The following HMCN1 variants were observed in gnomAD, a reference collection of about 807,000 sequenced individuals.
HMCN1 encodes hemicentin-1.
Under a neutral mutation model 625.9 loss-of-function variants are expected in HMCN1, and 321 were observed. The observed-to-expected ratio is 0.51, with a 90% CI of 0.47 to 0.56. The LOEUF (loss-of-function observed/expected upper bound fraction) is 0.56, where lower values mean the gene tolerates loss of function less well. HMCN1 is among the 20% of genes least tolerant of loss of function. The pLI, the probability that HMCN1 is intolerant of heterozygous loss-of-function variation, is 0.00. For synonymous variants in HMCN1, 2,425 were observed against 2,417.6 expected (o/e 1.00, Z -0.09); for missense variants, 6,588 against 6,887.3 (o/e 0.96, Z 1.54).
Position 186,087,350 on chromosome 1 carries a change from A to G in HMCN1, c.9160+20A>G. The G allele has an allele frequency of 6.2e-7, 1 of 1,604,762 alleles. No homozygotes were observed. The highest frequency in any genetic ancestry group is 8.5e-7 in the Non-Finnish European group (1 of 1,171,878). ...TTTATGGTTCGTTTTTACTCTCTTCATAAAATTCTTTTATTTTAAAACTGG... is the reference window on the plus strand; with the variant it reads ...TTTATGGTTCGTTTTTACTCTCTTCGTAAAATTCTTTTATTTTAAAACTGG... On this transcript the variant is annotated intron_variant, in intron 59 of 106. Transcript: ENST00000271588.
chr1:186,159,447 C>T (rs1435742423), intron 97 of HMCN1, among the ~76,000 whole-genome samples: 1 of 151,932 alleles, frequency 6.6e-6, no homozygotes, highest in Non-Finnish European at 1.5e-5. Context: ...CCAGAACTTC[C>T]AACACTATGT....
At chr1:186,142,331 A>T (rs1650023781) in intron 89 of HMCN1, among the ~76,000 whole-genome samples, 1 of 152,144 alleles carries the variant, frequency 6.6e-6, no homozygotes, top group Non-Finnish European at 1.5e-5. Flanking sequence ...CCTGCAAAGG[A>T]TGGGACCTCA....
chr1:185,763,026 G>T (rs1655614194), intron 1 of HMCN1, among the ~76,000 whole-genome samples: 2 of 152,190 alleles, frequency 1.3e-5, no homozygotes, highest in Admixed American at 1.3e-4. Flanking sequence ...GGCGTGAGAA[G>T]AACGGAGATC....
chr1:185,983,174 AT>A (rs986699761), intron 18 of HMCN1, among the ~76,000 whole-genome samples: 22 of 151,910 alleles, frequency 1.4e-4, no homozygotes, highest in African/African-American at 4.8e-4. Flanking sequence ...TCGGTGTAAA[AT>A]TTTTTTTATG....
intron 4 of HMCN1, among the ~76,000 whole-genome samples, chr1:185,898,813 T>C (rs577680419): frequency 6.6e-6 from 1 of 151,846 alleles, no homozygotes; most frequent in Non-Finnish European, 1.5e-5. Flanking sequence ...AGTCTAAAAA[T>C]GTGATTGTGT....
chr1:186,003,691 T>C (rs777091401), intron 28 of HMCN1, 27 bp from the exon 29 acceptor site: 1 of 1,611,896 alleles, frequency 6.2e-7, no homozygotes, highest in Non-Finnish European at 8.5e-7. Context: ...AGTAACAGAG[T>C]TTCATAATAC....
intron 30 of HMCN1, among the ~76,000 whole-genome samples, chr1:186,014,350 T>C (rs975123000): frequency 6.6e-6 from 1 of 151,520 alleles, no homozygotes; most frequent in Non-Finnish European, 1.5e-5. Context: ...ATACTTTAAG[T>C]TCTAGGGTAC....
chr1:185,802,091 G>C (rs1658835569), intron 1 of HMCN1, among the ~76,000 whole-genome samples: 2 of 152,086 alleles, frequency 1.3e-5, no homozygotes, highest in Admixed American at 1.3e-4. Flanking sequence ...AAAAAGTAGA[G>C]AAGTTCAAGA....
At chr1:186,075,038 A>C in intron 53 of HMCN1, 147 bp downstream of exon 53, 1 of 694,178 alleles carries the variant, frequency 1.4e-6, no homozygotes, top group African/African-American at 1.8e-5. Flanking sequence ...AGAATTAAAG[A>C]AGGAAATAAT....
intron 11 of HMCN1, among the ~76,000 whole-genome samples, chr1:185,954,226 G>T (rs1244358608): frequency 6.6e-6 from 1 of 152,066 alleles, no homozygotes. Flanking sequence ...AACCCATAAT[G>T]AAAAATATAT....
chr1:185,940,434 G>A (rs1294858809), intron 11 of HMCN1, among the ~76,000 whole-genome samples: 3 of 152,114 alleles, frequency 2.0e-5, no homozygotes, highest in East Asian at 1.9e-4. Flanking sequence ...CACCTCTAGA[G>A]ATGGACCTAT....
At chr1:185,976,539 G>A (rs111519251) in intron 15 of HMCN1, among the ~76,000 whole-genome samples, 355 of 152,270 alleles carry the variant, frequency 2.3e-3, no homozygotes, top group South Asian at 4.1e-3. Context: ...ACTATGAGCA[G>A]TTGTGAGAAC....
At chr1:185,746,535 C>T (rs1333953509) in intron 1 of HMCN1, among the ~76,000 whole-genome samples, 4 of 151,840 alleles carry the variant, frequency 2.6e-5, no homozygotes, top group African/African-American at 9.7e-5. Flanking sequence ...CTTGTAGATA[C>T]ATCACCCTAA....
intron 18 of HMCN1, 100 bp downstream of exon 18, chr1:185,982,489 G>T: frequency 8.9e-7 from 1 of 1,118,320 alleles, no homozygotes; most frequent in Non-Finnish European, 1.3e-6. Context: ...CACCTAGGCT[G>T]GAGTGCAGTG....
intron 2 of HMCN1, among the ~76,000 whole-genome samples, chr1:185,857,370 AG>A (rs1662530217): frequency 6.6e-6 from 1 of 152,196 alleles, no homozygotes; most frequent in Non-Finnish European, 1.5e-5. Context: ...TTCAAATAAA[AG>A]CACAGGTTAA....
intron 1 of HMCN1, among the ~76,000 whole-genome samples, chr1:185,764,751 G>A (rs1406207169): frequency 6.6e-6 from 1 of 152,136 alleles, no homozygotes; most frequent in African/African-American, 2.4e-5. Context: ...GAGAGCTCAA[G>A]AGTATATTTG....
intron 97 of HMCN1, among the ~76,000 whole-genome samples, chr1:186,163,186 T>G (rs1206755270): frequency 5.3e-5 from 8 of 152,184 alleles, no homozygotes; most frequent in Admixed American, 6.5e-5. Context: ...TCAGCCAGAC[T>G]CCATGGGCAT....
chr1:185,923,303 A>G (rs1667089780), intron 7 of HMCN1, 87 bp from the exon 8 acceptor site: 2 of 1,028,190 alleles, frequency 1.9e-6, no homozygotes, highest in Admixed American at 1.9e-5. Context: ...TATGGTACTC[A>G]TATATTATTA....
At chr1:185,779,350 A>T (rs1365139332) in intron 1 of HMCN1, among the ~76,000 whole-genome samples, 2 of 152,154 alleles carry the variant, frequency 1.3e-5, no homozygotes, top group Non-Finnish European at 2.9e-5. Context: ...CTTGAGTTTA[A>T]TTAGATCCCA....
Sources: gnomAD v4.1 joint callset for allele counts (sites outside exome capture counted in the v4.1 genomes callset) on GRCh38, gnomAD v4.1.1 for gene constraint, MANE v1.5 for transcripts, NCBI Gene and HGNC (gene_info 2026-07-23, HGNC 2026-07-21) for gene names.